Variants in STK17B observed in about 807,000 individuals in gnomAD.
STK17B encodes the protein serine/threonine-protein kinase 17B.
STK17B carries 21 observed loss-of-function variants against 42.0 expected under a neutral mutation model. That is an observed-to-expected ratio of 0.50 (90% CI 0.35 to 0.72). STK17B has a LOEUF of 0.72. STK17B is among the 30% of genes least tolerant of loss of function. The pLI, the probability that STK17B is intolerant of heterozygous loss-of-function variation, is 0.00. For synonymous variants in STK17B, 143 were observed against 148.4 expected (o/e 0.96, Z 0.26); for missense variants, 349 against 446.0 (o/e 0.78, Z 1.96).
Position 196,137,464 on chromosome 2 carries a change from A to G in STK17B, c.1102T>C (p.Ser368Pro). The change falls in exon 8 of 8, where the codon TCA becomes CCA. Residue 368 changes from serine to proline, a missense_variant. By Grantham distance (74) the Ser-to-Pro change is moderately conservative. Around this residue, in one of 3 missense-constraint regions of STK17B, gnomAD observed 87 missense variants for 78.8 expected, o/e 1.10. Coordinates refer to ENST00000263955, the MANE Select transcript of STK17B (RefSeq NM_004226.4). ...DSLPNPHELV[S>P]DLLC is the part of the protein sequence containing the mutation. ...AAAAAGTGCTAACAGAGCAAATCTGAAACAAGTTCATGGGGATTGGGTAAT... is the reference window on the plus strand; with the variant it reads ...AAAAAGTGCTAACAGAGCAAATCTGGAACAAGTTCATGGGGATTGGGTAAT... 1.9e-6 allele frequency: 3 copies of G among 1,613,684 alleles called. No homozygotes were observed. The highest frequency in any genetic ancestry group is 2.5e-6 in the Non-Finnish European group (3 of 1,179,840).
chr2:196,170,843 AC>A (rs1302939868), intron 1 of STK17B: 1 of 152,250 alleles, frequency 6.6e-6, no homozygotes, highest in Non-Finnish European at 1.5e-5. Flanking sequence ...CTTTCTCTAG[AC>A]GAAAGGCAGC....
At chr2:196,152,063 A>G (rs1483814049) in intron 3 of STK17B, among the ~76,000 whole-genome samples, 1 of 152,098 alleles carries the variant, frequency 6.6e-6, no homozygotes, top group East Asian at 1.9e-4. Flanking sequence ...AGAAAGTTCT[A>G]GATTGATTCA....
At chr2:196,163,535 ATTT>A in intron 1 of STK17B, 108 bp from the exon 2 acceptor site, 14 of 845,608 alleles carry the variant, frequency 1.7e-5, no homozygotes, top group Non-Finnish European at 2.3e-5. Context: ...AAAAAAAAAG[ATTT>A]AAAGAGCACA....
At chr2:196,169,961 T>C (rs1699919060) in intron 1 of STK17B, among the ~76,000 whole-genome samples, 1 of 152,196 alleles carries the variant, frequency 6.6e-6, no homozygotes, top group Non-Finnish European at 1.5e-5. Flanking sequence ...CTCCAATTAT[T>C]AAGATACTAG....
chr2:196,159,457 C>T (rs987928105), intron 2 of STK17B, among the ~76,000 whole-genome samples: 3 of 151,878 alleles, frequency 2.0e-5, no homozygotes, highest in East Asian at 1.9e-4. Context: ...ACCACAGGCA[C>T]GCACCACCAC....
chr2:196,161,037 A>C (rs1699804989), intron 2 of STK17B, among the ~76,000 whole-genome samples: 1 of 152,188 alleles, frequency 6.6e-6, no homozygotes, highest in Non-Finnish European at 1.5e-5. Flanking sequence ...TTACTCATCA[A>C]ATAGTAACTC....
intron 3 of STK17B, among the ~76,000 whole-genome samples, chr2:196,148,748 C>T (rs1001873948): frequency 5.3e-5 from 8 of 152,176 alleles, no homozygotes; most frequent in African/African-American, 1.7e-4. Context: ...TATTTACCAA[C>T]ATTTTATATT....
In STK17B at chr2:196,156,427, G is replaced by T. The variant is rs531280317; in HGVS notation, c.335+12C>A. 81 of 1,582,230 alleles carry T rather than the reference G, an allele frequency of 5.1e-5. 1 individual carries two copies. In the South Asian group the frequency reaches 8.3e-4, roughly 16 times the overall value. ...TACCAACTAAAATAGGTACTATTTA[G>T]TATATACTTACTATTCCAATATCAA... On this transcript the variant is annotated intron_variant, in intron 3 of 7. Transcript: ENST00000263955.
In STK17B at chr2:196,135,926, TACAC is replaced by T. The variant is rs1013611353; in HGVS notation, c.*1517_*1520del. On this transcript the variant is annotated 3_prime_UTR_variant, in exon 8 of 8. Coordinates refer to ENST00000263955, the MANE Select transcript of STK17B (RefSeq NM_004226.4). The stretch of plus-strand genomic sequence containing the variant: ...CTGTACATACACACATGTGCACACA[TACAC>T]ACACAAGTAGAGAAAACTTTTCCTT... 6.5e-4 allele frequency: 98 copies of T among 151,782 alleles called. 1 individual carries two copies. The highest frequency in any genetic ancestry group is 2.3e-3 in the African/African-American group (95 of 41,426). 9.4% of individuals were successfully genotyped at this position (151,782 alleles called of 1,614,324 possible).
intron 1 of STK17B, among the ~76,000 whole-genome samples, chr2:196,168,271 T>C (rs1034453543): frequency 7.2e-5 from 11 of 152,176 alleles, no homozygotes; most frequent in African/African-American, 2.7e-4. Context: ...GCCAAGACCC[T>C]AAGGCCTAAT....
chr2:196,142,377 G>A (rs1699506821), intron 5 of STK17B, among the ~76,000 whole-genome samples: 1 of 152,028 alleles, frequency 6.6e-6, no homozygotes, highest in Admixed American at 6.6e-5. Flanking sequence ...AGATTTTCCA[G>A]TGAATTAAAC....
Position 196,137,406 on chromosome 2 carries a change from A to C in STK17B, c.*41T>G, listed in dbSNP as rs546707968. ...ATCATAATCTCACTGGAGTGGATAT[A>C]AAATTTCAAATTCAGTCCAAATGAG... is the stretch of plus-strand genomic sequence containing the variant. On this transcript the variant is annotated 3_prime_UTR_variant, in exon 8 of 8. Transcript: ENST00000263955. The C allele has an allele frequency of 9.5e-6, 15 of 1,585,836 alleles. No individual in the cohort carries two copies. In the South Asian group the frequency reaches 1.6e-4, roughly 17 times the overall value.
chr2:196,168,008 T>C (rs1343092953), intron 1 of STK17B, among the ~76,000 whole-genome samples: 4 of 152,184 alleles, frequency 2.6e-5, no homozygotes, highest in Non-Finnish European at 1.5e-5. Flanking sequence ...TAATTAGTCA[T>C]TGATTAGAAG....
rs1699384505 is a variant in STK17B, at chr2:196,135,446, T to C, written c.*2001A>G. 6.6e-6 allele frequency: 1 copy of C among 152,196 alleles called. No homozygotes were observed. Among genetic ancestry groups the C allele is most frequent in the Non-Finnish European group, 1.5e-5 (1 of 68,032 alleles). 9.4% of individuals were successfully genotyped at this position (152,196 alleles called of 1,614,324 possible). The stretch of plus-strand genomic sequence containing the variant: ...CATAAGAAGAGAACATAAAGTCATA[T>C]AAAGAATATAAATGTCATAATTTAT... On this transcript the variant is annotated 3_prime_UTR_variant, in exon 8 of 8. Coordinates refer to ENST00000263955, the MANE Select transcript of STK17B (RefSeq NM_004226.4).
chr2:196,155,634 T>C (rs953682204), intron 3 of STK17B, among the ~76,000 whole-genome samples: 8 of 152,222 alleles, frequency 5.3e-5, no homozygotes, highest in Non-Finnish European at 1.2e-4. Context: ...TTAAAAACTA[T>C]TGGCACCCAA....
chr2:196,142,012 G>A (rs1699501009), intron 5 of STK17B, among the ~76,000 whole-genome samples: 1 of 152,080 alleles, frequency 6.6e-6, no homozygotes, highest in South Asian at 2.1e-4. Flanking sequence ...AGGATCATGT[G>A]CATCTGCAAT....
At chr2:196,163,199 A>T in intron 2 of STK17B, 63 bp downstream of exon 2, 1 of 1,562,874 alleles carries the variant, frequency 6.4e-7, no homozygotes, top group Non-Finnish European at 8.7e-7. Flanking sequence ...GTTTTATAGA[A>T]TTATAAAAAC....
chr2:196,172,765 A>G (rs188154359), upstream of STK17B, among the ~76,000 whole-genome samples: 4 of 152,310 alleles, frequency 2.6e-5, no homozygotes, highest in East Asian at 1.9e-4. Flanking sequence ...GCTTCCATCT[A>G]TCTAATTTCT....
At position 196,156,436 on chromosome 2, in the gene STK17B, T is replaced by C. The variant is rs1348920997; in HGVS notation, c.335+3A>G. ...AAATAGGTACTATTTAGTATATACT[T>C]ACTATTCCAATATCAAAATGATTTC... On this transcript the variant is annotated splice_donor_region_variant and intron_variant, in intron 3 of 7. Transcript: ENST00000263955. 1 of 1,604,446 alleles carries C rather than the reference T, an allele frequency of 6.2e-7. No individual in the cohort carries two copies. The highest frequency in any genetic ancestry group is 1.3e-5 in the African/African-American group (1 of 74,680).
Sources: gnomAD v4.1 joint callset for allele counts (sites outside exome capture counted in the v4.1 genomes callset) on GRCh38, gnomAD v4.1.1 for gene constraint, gnomAD v4.1.1 regional missense constraint, MANE v1.5 for transcripts, NCBI Gene and HGNC (gene_info 2026-07-23, HGNC 2026-07-21) for gene names.